Variants in MAP3K6 observed in about 807,000 individuals in gnomAD.
MAP3K6 encodes the protein mitogen-activated protein kinase kinase kinase 6.
A neutral mutation model predicts 147.1 loss-of-function variants in MAP3K6; 105 were observed. The observed-to-expected ratio is 0.71, with a 90% CI of 0.61 to 0.84. The LOEUF (loss-of-function observed/expected upper bound fraction) is 0.84. MAP3K6 is among the 40% of genes least tolerant of loss of function. MAP3K6 has a pLI of 0.00. For missense variants in MAP3K6, 1,569 were observed against 1,715.0 expected (o/e 0.91, Z 1.50); for synonymous variants, 695 against 732.4 (o/e 0.95, Z 0.82).
rs1040402172 is a variant in MAP3K6 at position 27,359,520 on chromosome 1, C to T, written c.2322G>A (p.Gly774=). Residue 774 remains glycine (G), a splice_region_variant and synonymous_variant, in exon 18 of 29, where the codon GGG becomes GGA. Transcript: ENST00000357582. The surrounding 1 kb of genome is among the most constrained non-coding windows in gnomAD (Gnocchi z 4.4). Reference sequence around the variant, plus strand: ...TGAAGGTGTTGATCAGCACATTGTCCCCCTGATTGACAGCCATTAGTGGAC... The same window carrying T: ...TGAAGGTGTTGATCAGCACATTGTCTCCCTGATTGACAGCCATTAGTGGAC... ...DNHIVHRDIK[G]DNVLINTFSG... 6.2e-7 allele frequency: 1 copy of T among 1,613,922 alleles called. No individual in the cohort carries two copies. Among genetic ancestry groups the T allele is most frequent in the Admixed American group, 1.7e-5 (1 of 59,996 alleles).
At position 27,359,308 on chromosome 1, in the gene MAP3K6, C is replaced by T; in HGVS notation, c.2425+109G>A. The T allele has an allele frequency of 1.3e-6, 2 of 1,502,218 alleles. No homozygotes were observed. Among genetic ancestry groups the T allele is most frequent in the East Asian group, 2.3e-5 (1 of 42,984 alleles). The allele number at this position is 1,502,218 out of a possible 1,614,324, so 93.1% of individuals were successfully genotyped here. A position where few individuals can be genotyped will look rare whatever the true frequency, so the allele number is the denominator to read the frequency against. On this transcript the variant is annotated intron_variant, in intron 18 of 28. Coordinates refer to ENST00000357582, the MANE Select transcript of MAP3K6 (RefSeq NM_004672.5). This position sits in a 1 kb window ranked among gnomAD's most constrained non-coding sequence, Gnocchi z 4.4. ...ATCACTCACCCTGGGTTTCATTCCC[C>T]ATTAGGACTCTAACTCCATGCCTAG...
chr1:27,364,214 TG>T lies in MAP3K6; in HGVS notation c.684del (p.Thr229GlnfsTer44). The T allele has an allele frequency of 6.2e-7, 1 of 1,611,784 alleles. No homozygotes were observed. The highest frequency in any genetic ancestry group is 1.1e-5 in the South Asian group (1 of 91,028). On this transcript the variant is annotated frameshift_variant, in exon 4 of 29. Transcript: ENST00000357582. LOFTEE classifies it high-confidence loss of function. This position sits in a 1 kb window ranked among gnomAD's most constrained non-coding sequence, Gnocchi z 4.4. The part of the protein sequence containing the change: ...GRLARLLEAT[P>X]TDSCGYFRET... ...GGGGGCCTTCATTACCAAGAGTCTGTGGGTGTGGCCTCCAGCAGGCGGGCAA... is the reference window on the plus strand; with the variant it reads ...GGGGGCCTTCATTACCAAGAGTCTGTGGTGTGGCCTCCAGCAGGCGGGCAA...
rs2015667838 is a variant in MAP3K6 at position 27,359,597 on chromosome 1, C to T, written c.2320-75G>A. 1.3e-6 allele frequency: 2 copies of T among 1,593,492 alleles called. No homozygotes were observed. Among genetic ancestry groups the T allele is most frequent in the African/African-American group, 2.7e-5 (2 of 74,580 alleles). On this transcript the variant is annotated intron_variant, in intron 17 of 28. Transcript: ENST00000357582. The surrounding 1 kb of genome is among the most constrained non-coding windows in gnomAD (Gnocchi z 4.4). ...GTAGACCCTCTTTCTGGGATCCCATCTCCTGGAGATCCCAGCCTGGTCCTG... is the reference window on the plus strand; with the variant it reads ...GTAGACCCTCTTTCTGGGATCCCATTTCCTGGAGATCCCAGCCTGGTCCTG...
At position 27,359,844 on chromosome 1, in the gene MAP3K6, G is replaced by A; in HGVS notation, c.2319+14C>T. On this transcript the variant is annotated intron_variant, in intron 17 of 28. Coordinates refer to ENST00000357582, the MANE Select transcript of MAP3K6 (RefSeq NM_004672.5). The surrounding 1 kb of genome is among the most constrained non-coding windows in gnomAD (Gnocchi z 4.4). ...ACCCTCAGCAGATGAGGGCGGGCCA[G>A]CCCCAGGGCTTACTTTTATGTCCCT... is the stretch of plus-strand genomic sequence containing the variant. 1 of 1,614,058 alleles carries A rather than the reference G, an allele frequency of 6.2e-7. No individual in the cohort carries two copies. Among genetic ancestry groups the A allele is most frequent in the East Asian group, 2.2e-5 (1 of 44,874 alleles).
At position 27,355,732 on chromosome 1, in the gene MAP3K6, C is replaced by T. The variant is rs2015497256; in HGVS notation, c.3725G>A (p.Ser1242Asn). ...SGTIQMLLNH[S>N]FTLHTLLTYA... ...GGTGAGCAGAGTGTGGAGGGTGAAG[C>T]TATGGTTCAACAGCTGGATGTGGTC... Residue 1242 changes from serine (S) to asparagine (N), a missense_variant, in exon 28 of 29, where the codon AGC becomes AAC. Transcript: ENST00000357582. 9 of 1,613,874 alleles carry T rather than the reference C, an allele frequency of 5.6e-6. No homozygotes were observed. Among genetic ancestry groups the T allele is most frequent in the East Asian group, 2.2e-5 (1 of 44,882 alleles).
chr1:27,358,182 G>A lies in MAP3K6; in HGVS notation c.2914C>T (p.Arg972Trp), dbSNP rs1356383886. The change falls in exon 21 of 29, where the codon CGG (arginine) becomes TGG (tryptophan). Residue 972 changes from arginine (R) to tryptophan (W), a missense_variant and splice_region_variant. Transcript: ENST00000357582. This position sits in a 1 kb window ranked among gnomAD's most constrained non-coding sequence, Gnocchi z 6.2. ...CLSYGGTSQL[R>W]VPEEPAAEEP... ...CCATCCCAGGAGCCTTGGTCTCACCGGAGCTGGCTGGTGCCCCCATAACTG... is the reference window on the plus strand; with the variant it reads ...CCATCCCAGGAGCCTTGGTCTCACCAGAGCTGGCTGGTGCCCCCATAACTG... The A allele has an allele frequency of 6.3e-7, 1 of 1,583,854 alleles. No individual in the cohort carries two copies. The highest frequency in any genetic ancestry group is 8.5e-7 in the Non-Finnish European group (1 of 1,170,432).
intron 24 of MAP3K6, 36 bp downstream of exon 24, chr1:27,356,973 C>A (rs1264245492): frequency 2.5e-6 from 4 of 1,599,648 alleles, no homozygotes; most frequent in Non-Finnish European, 2.6e-6. Flanking sequence ...GCACCACACC[C>A]TCGCTGGCAG....
In MAP3K6 at chr1:27,356,696, C is replaced by A. The variant is rs139211054; in HGVS notation, c.3418G>T (p.Asp1140Tyr). 28 of 1,607,404 alleles carry A rather than the reference C, an allele frequency of 1.7e-5. No individual in the cohort carries two copies. The highest frequency in any genetic ancestry group is 1.7e-4 in the Middle Eastern group (1 of 5,916). The change falls in exon 25 of 29, where the codon GAC becomes TAC. Residue 1140 changes from aspartate (D) to tyrosine (Y), a missense_variant. Asp to Tyr is a radical substitution (Grantham distance 160). Coordinates refer to ENST00000357582, the MANE Select transcript of MAP3K6 (RefSeq NM_004672.5). ...TGCTGGCCTGGGCTCTGCTGGGAGT[C>A]CCCTTCATTACTCAGCTCCTCTGAC... ...PRSEELSNEG[D>Y]SQQSPGQQSP...
intron 28 of MAP3K6, 83 bp downstream of exon 28, chr1:27,355,586 T>G: frequency 6.3e-7 from 1 of 1,587,998 alleles, no homozygotes; most frequent in Non-Finnish European, 8.6e-7. Context: ...CCCTTTGGTT[T>G]CCAGGAAGGA....
intron 21 of MAP3K6, 53 bp from the exon 22 acceptor site, chr1:27,357,929 CCT>C (rs1180104281): frequency 6.6e-7 from 1 of 1,520,694 alleles, no homozygotes; most frequent in African/African-American, 1.4e-5. Flanking sequence ...CGGCCAGTCA[CCT>C]CTGTTGCCGG....
chr1:27,362,374 C>A (rs2015810402), intron 8 of MAP3K6, 124 bp from the exon 9 acceptor site: 2 of 1,042,072 alleles, frequency 1.9e-6, no homozygotes, highest in Non-Finnish European at 2.8e-6. Context: ...ATGGCAAGAT[C>A]TCGGGTGGGA....
chr1:27,356,913 G>C, intron 24 of MAP3K6, 96 bp downstream of exon 24: 5 of 1,436,954 alleles, frequency 3.5e-6, no homozygotes, highest in Non-Finnish European at 4.8e-6. Context: ...GCCTGCCCCT[G>C]TCCCGCCTGG....
In MAP3K6 at chr1:27,355,252, T is replaced by C. The variant is rs1571057383; in HGVS notation, c.*139A>G. 2 of 806,206 alleles carry C rather than the reference T, an allele frequency of 2.5e-6. No homozygotes were observed. The highest frequency in any genetic ancestry group is 4.9e-5 in the East Asian group (2 of 40,650). The allele number at this position is 806,206 out of a possible 1,614,324, so 49.9% of individuals were successfully genotyped here. A position where few individuals can be genotyped will look rare whatever the true frequency, so the allele number is the denominator to read the frequency against. The stretch of plus-strand genomic sequence containing the variant: ...GGTGCCTGTGGTTGGTTTCTCTCAC[T>C]GGAACCAGTCCTGGGCCCCACTCGC... On this transcript the variant is annotated 3_prime_UTR_variant, in exon 29 of 29. Transcript: ENST00000357582.
Position 27,360,464 on chromosome 1 carries a change from C to A in MAP3K6, c.2055-96G>T. On this transcript the variant is annotated intron_variant, in intron 15 of 28. Coordinates refer to ENST00000357582, the MANE Select transcript of MAP3K6 (RefSeq NM_004672.5). The surrounding 1 kb of genome is among the most constrained non-coding windows in gnomAD (Gnocchi z 4.5). ...CTGGCCCCGCCCCAAGGACCCGCCC[C>A]GCCCACAAGCCCTCTCCGACCTTCC... The A allele has an allele frequency of 6.9e-7, 1 of 1,457,702 alleles. No individual in the cohort carries two copies. Among genetic ancestry groups the A allele is most frequent in the Non-Finnish European group, 9.2e-7 (1 of 1,088,722 alleles). The allele number at this position is 1,457,702 out of a possible 1,614,324, so 90.3% of individuals were successfully genotyped here. A position where few individuals can be genotyped will look rare whatever the true frequency, so the allele number is the denominator to read the frequency against.
Position 27,359,551 on chromosome 1 carries a change from T to G in MAP3K6, c.2320-29A>C. On this transcript the variant is annotated intron_variant, in intron 17 of 28. Transcript: ENST00000357582. The surrounding 1 kb of genome is among the most constrained non-coding windows in gnomAD (Gnocchi z 4.4). ...ATTGACAGCCATTAGTGGACACTGG[T>G]CTGGGCCCCTGCCAGCAGAAGTAGA... 1 of 1,613,842 alleles carries G rather than the reference T, an allele frequency of 6.2e-7. No homozygotes were observed. Among genetic ancestry groups the G allele is most frequent in the Non-Finnish European group, 8.5e-7 (1 of 1,179,910 alleles).
rs55671988 is a variant in MAP3K6, at chr1:27,361,576, G to C, written c.1630C>G (p.Arg544Gly). ...KVLLPAKLEV[R>G]GTDPVSTVTL... ...ACTGTGCTTACTGGGTCAGTACCCC[G>C]AACCTCGAGCTTTGCAGGCAGCAGC... The change falls in exon 11 of 29, where the codon CGG (arginine) becomes GGG (glycine). Residue 544 changes from arginine to glycine, a missense_variant. Arg to Gly is a moderately radical substitution (Grantham distance 125, BLOSUM62 -2). Coordinates refer to ENST00000357582, the MANE Select transcript of MAP3K6 (RefSeq NM_004672.5). 5.0e-6 allele frequency: 8 copies of C among 1,614,060 alleles called. No individual in the cohort carries two copies. In the Admixed American group the frequency reaches 8.3e-5, roughly 17 times the overall value.
Position 27,362,124 on chromosome 1 carries a change from G to T in MAP3K6, c.1382C>A (p.Ala461Glu). 1 of 1,613,520 alleles carries T rather than the reference G, an allele frequency of 6.2e-7. No individual in the cohort carries two copies. The highest frequency in any genetic ancestry group is 8.5e-7 in the Non-Finnish European group (1 of 1,179,828). Residue 461 changes from alanine to glutamate, a missense_variant, in exon 9 of 29, where the codon GCA becomes GAA. Physicochemically the swap from Ala to Glu is moderately radical, Grantham distance 107. Coordinates refer to ENST00000357582, the MANE Select transcript of MAP3K6 (RefSeq NM_004672.5). ...GGCATTGAGCTTATACAGCTGCTCT[G>T]CAGCCAGCACCACCTGGGTGGGGTC... Reference protein sequence around the residue: ...ANDPTQVVLAAEQLYKLNAPI... With the variant: ...ANDPTQVVLAEEQLYKLNAPI...
chr1:27,364,166 C>T lies in MAP3K6; in HGVS notation c.695+38G>A. 3 of 1,600,504 alleles carry T rather than the reference C, an allele frequency of 1.9e-6. No individual in the cohort carries two copies. The highest frequency in any genetic ancestry group is 2.6e-6 in the Non-Finnish European group (3 of 1,173,482). ...CCCCAGCCCACCATACCCTCACCAG[C>T]CCCCTCCTGGAGCACCCTCCCTGGG... On this transcript the variant is annotated intron_variant, in intron 4 of 28. Transcript: ENST00000357582. The surrounding 1 kb of genome is among the most constrained non-coding windows in gnomAD (Gnocchi z 4.4).
intron 23 of MAP3K6, 61 bp from the exon 24 acceptor site, chr1:27,357,175 T>C: frequency 1.3e-6 from 2 of 1,498,224 alleles, no homozygotes; most frequent in South Asian, 2.3e-5. Flanking sequence ...AGGGCTTGAG[T>C]TGGAAAGGCC....
Sources: allele counts gnomAD v4.1 joint callset, GRCh38; gene constraint gnomAD v4.1.1; non-coding constraint Gnocchi (gnomAD v3.1); transcripts MANE v1.5; gene names NCBI Gene and HGNC (gene_info 2026-07-23, HGNC 2026-07-21).